CNTN4: variants seen among roughly 807,000 people sequenced by gnomAD.
The protein encoded by CNTN4 is contactin 4, also known as contactin-4.
In CNTN4, 77 loss-of-function variants were observed where a neutral mutation model predicts 122.5. That is an observed-to-expected ratio of 0.63 (90% confidence interval 0.52 to 0.76). The LOEUF is 0.76. CNTN4 is among the 30% of genes least tolerant of loss of function. CNTN4 has a pLI of 0.00. For missense variants in CNTN4, 1,256 were observed against 1,259.1 expected, an observed-to-expected ratio of 1.00 and a Z score of 0.04; for synonymous variants, 512 against 447.0, an observed-to-expected ratio of 1.15 and a Z score of -1.83.
At chr3:2,611,499 G>T (rs1321432769) in intron 4 of CNTN4, among the ~76,000 whole-genome samples, 1 of 152,068 alleles carries the variant, frequency 6.6e-6, no homozygotes, top group African/African-American at 2.4e-5. Flanking sequence ...GTAGCCTCTG[G>T]GTGATAGTAC....
chr3:2,514,138 C>A (rs903118277), intron 3 of CNTN4, among the ~76,000 whole-genome samples: 8 of 152,128 alleles, frequency 5.3e-5, no homozygotes, highest in Admixed American at 6.5e-5. Context: ...TCCTTGCATT[C>A]TTTGTTTTGG....
At chr3:2,978,879 A>G (rs967490189) in intron 13 of CNTN4, among the ~76,000 whole-genome samples, 23 of 152,172 alleles carry the variant, frequency 1.5e-4, no homozygotes, top group African/African-American at 5.6e-4. Flanking sequence ...TTACCGAAAT[A>G]TAAGTTAGTC....
In CNTN4 at chr3:3,011,896, A is replaced by T. The variant is rs547219998; in HGVS notation, c.1487-14206A>T. Among the ~76,000 whole-genome samples the T allele has an allele frequency of 1.4e-4, 21 of 150,230 alleles. No homozygotes were observed. The South Asian group carries it at 4.2e-3, about 30-fold the overall frequency. The stretch of plus-strand genomic sequence containing the variant: ...GACTTCCATGATGATGATGGTGATG[A>T]TGACAGTGATGATGAGGATGAGGAT... On this transcript the variant is annotated intron_variant, in intron 14 of 24. Transcript: ENST00000418658.
At chr3:2,167,397 A>T (rs1368227967) in intron 2 of CNTN4, among the ~76,000 whole-genome samples, 2 of 152,330 alleles carry the variant, frequency 1.3e-5, no homozygotes, top group East Asian at 3.9e-4. Flanking sequence ...CAAATAATAA[A>T]TAATTAGATG....
At chr3:2,819,682 T>C in intron 7 of CNTN4, 101 bp downstream of exon 7, 14 of 902,950 alleles carry the variant, frequency 1.6e-5, no homozygotes, top group Non-Finnish European at 2.4e-5. Flanking sequence ...GTGTCATTTA[T>C]AGAGATTCCC....
At chr3:2,665,808 T>C (rs1271666338) in intron 4 of CNTN4, among the ~76,000 whole-genome samples, 1 of 152,128 alleles carries the variant, frequency 6.6e-6, no homozygotes, top group African/African-American at 2.4e-5. Context: ...TGAGAAAAAA[T>C]ATGGGGTATC....
At chr3:2,540,917 A>G (rs1487354709) in intron 3 of CNTN4, among the ~76,000 whole-genome samples, 1 of 152,174 alleles carries the variant, frequency 6.6e-6, no homozygotes, top group East Asian at 1.9e-4. Context: ...AACCAATTGT[A>G]CCTGTGATGT....
At chr3:2,652,952 G>A (rs1396332464) in intron 4 of CNTN4, among the ~76,000 whole-genome samples, 1 of 151,778 alleles carries the variant, frequency 6.6e-6, no homozygotes, top group East Asian at 1.9e-4. Flanking sequence ...TTTCATTTTT[G>A]GCAACAGCTA....
rs868199444 is a variant in CNTN4, at chr3:2,270,019, G to T, written c.-144-69159G>T. 1.6e-4 allele frequency among the ~76,000 whole-genome samples: 13 copies of T among 83,138 alleles called. 2 individuals carry two copies. Among genetic ancestry groups the T allele is most frequent in the African/African-American group, 4.9e-4 (13 of 26,642 alleles). 54.5% of individuals were successfully genotyped at this position (83,138 alleles called of 152,430 possible). A position where few individuals can be genotyped will look rare whatever the true frequency, so the allele number is the denominator to read the frequency against. On this transcript the variant is annotated intron_variant, in intron 2 of 24. Transcript: ENST00000418658. ...CTGCGGACTGCAGTGGCGCAATCTCGGCTCACTGCAAGCTCCGCTTCCCGG... is the reference window on the plus strand; with the variant it reads ...CTGCGGACTGCAGTGGCGCAATCTCTGCTCACTGCAAGCTCCGCTTCCCGG...
intron 3 of CNTN4, among the ~76,000 whole-genome samples, chr3:2,563,010 G>A (rs1479119056): frequency 6.6e-6 from 1 of 152,106 alleles, no homozygotes; most frequent in Non-Finnish European, 1.5e-5. Context: ...TTATAGGTGT[G>A]AGCCACTGTG....
intron 3 of CNTN4, among the ~76,000 whole-genome samples, chr3:2,384,380 C>G (rs1210681385): frequency 6.6e-6 from 1 of 152,140 alleles, no homozygotes. Flanking sequence ...ACCATCTTAC[C>G]TCTTCCAAAG....
At chr3:2,629,704 T>A (rs2082346964) in intron 4 of CNTN4, 1 of 322,790 alleles carries the variant, frequency 3.1e-6, no homozygotes, top group Non-Finnish European at 6.2e-6. Context: ...GCTTTTGTCA[T>A]AATCAAAATC....
intron 4 of CNTN4, among the ~76,000 whole-genome samples, chr3:2,590,352 G>A: frequency 6.6e-6 from 1 of 152,206 alleles, no homozygotes; most frequent in Non-Finnish European, 1.5e-5. Context: ...CGCCTCCTGG[G>A]TTCAAGCAAT....
At chr3:2,864,502 G>A (rs892767518) in intron 7 of CNTN4, among the ~76,000 whole-genome samples, 1 of 151,908 alleles carries the variant, frequency 6.6e-6, no homozygotes, top group Non-Finnish European at 1.5e-5. Flanking sequence ...ACTTTGTGGG[G>A]CCGAGGAGGG....
chr3:2,668,844 A>T (rs1281276543), intron 4 of CNTN4, among the ~76,000 whole-genome samples: 1 of 151,922 alleles, frequency 6.6e-6, no homozygotes. Flanking sequence ...GCATCTGTTG[A>T]GATAAACGTG....
At chr3:2,832,653 A>C (rs537112983) in intron 7 of CNTN4, among the ~76,000 whole-genome samples, 1 of 152,296 alleles carries the variant, frequency 6.6e-6, no homozygotes, top group South Asian at 2.1e-4. Flanking sequence ...GGACATGGGG[A>C]AGGGTGTTTC....
At chr3:2,294,884 G>A (rs901544007) in intron 2 of CNTN4, among the ~76,000 whole-genome samples, 1 of 151,696 alleles carries the variant, frequency 6.6e-6, no homozygotes, top group Non-Finnish European at 1.5e-5. Flanking sequence ...GTGTCCACGT[G>A]TTCTCATTGT....
At chr3:2,498,920 G>A (rs1274184810) in intron 3 of CNTN4, among the ~76,000 whole-genome samples, 1 of 152,034 alleles carries the variant, frequency 6.6e-6, no homozygotes, top group Non-Finnish European at 1.5e-5. Context: ...TTCCCAAGTA[G>A]CTGGGACTAC....
intron 14 of CNTN4, among the ~76,000 whole-genome samples, chr3:3,010,276 C>T (rs978295650): frequency 6.6e-6 from 1 of 152,174 alleles, no homozygotes; most frequent in East Asian, 1.9e-4. Flanking sequence ...TGTTACCTGA[C>T]TTCAAGTAAT....
Sources: allele counts gnomAD v4.1 joint callset (sites outside exome capture counted in the v4.1 genomes callset), GRCh38; gene constraint gnomAD v4.1.1; transcripts MANE v1.5; gene names NCBI Gene and HGNC (gene_info 2026-07-23, HGNC 2026-07-21).